The following TRMT9B variants were observed in gnomAD, a reference collection of about 807,000 sequenced individuals.
TRMT9B encodes the protein probable tRNA methyltransferase 9B.
Under a neutral mutation model 11.5 loss-of-function variants are expected in TRMT9B, and 16 were observed. The observed-to-expected ratio is 1.39, with a 90% CI of 0.94 to 2.11. TRMT9B has a LOEUF of 2.11. Among genes scored for constraint, TRMT9B ranks in the 30% most tolerant of loss-of-function variants. The probability of loss-of-function intolerance (pLI) is 0.00; values close to 1 mark genes in which losing one functional copy is unlikely to be tolerated. For missense variants in TRMT9B, 941 were observed against 553.8 expected (o/e 1.70, Z -7.02); for synonymous variants, 274 against 192.4 (o/e 1.42, Z -3.51).
rs116588902 is a variant in TRMT9B, at chr8:12,956,162, G to T, written c.-200+10196G>T. Among the ~76,000 whole-genome samples, 844 of 152,280 alleles carry T rather than the reference G, an allele frequency of 5.5e-3. 10 individuals carry two copies. Among genetic ancestry groups the T allele is most frequent in the African/African-American group, 0.02 (817 of 41,538 alleles). On this transcript the variant is annotated intron_variant, in intron 1 of 4. Coordinates refer to ENST00000524591, the MANE Select transcript of TRMT9B (RefSeq NM_020844.3). ...GGACTCTGGGAAATGCAGCTTATAG[G>T]TTTCTAGCCTCAAAGGTAGAGGGAT...
chr8:13,020,583 A>G (rs947039272), intron 4 of TRMT9B, among the ~76,000 whole-genome samples: 1 of 152,230 alleles, frequency 6.6e-6, no homozygotes, highest in Admixed American at 6.5e-5. Context: ...ATTGTTCATT[A>G]AAACAATGAA....
rs1420859234 is a variant in TRMT9B, at chr8:13,012,930, T to C, written c.328+73T>C. The C allele has an allele frequency of 2.0e-6, 3 of 1,514,324 alleles. No individual in the cohort carries two copies. In the East Asian group the frequency reaches 6.9e-5, roughly 35 times the overall value. 93.8% of individuals were successfully genotyped at this position (1,514,324 alleles called of 1,614,324 possible). A position where few individuals can be genotyped will look rare whatever the true frequency, so the allele number is the denominator to read the frequency against. ...ACCCGGTTTAGTCCGTTCTCATGAC[T>C]CAACATCCGTTCTGTGTAGAAATGT... On this transcript the variant is annotated intron_variant, in intron 4 of 4. Transcript: ENST00000524591.
At position 13,005,388 on chromosome 8, in the gene TRMT9B, TA is replaced by T. The variant is rs899995064; in HGVS notation, c.-1-805del. Among the ~76,000 whole-genome samples the T allele has an allele frequency of 4.4e-4, 67 of 151,720 alleles. No homozygotes were observed. In the Middle Eastern group the frequency reaches 0.01, roughly 23 times the overall value. ...TGCTAGGACAACAGGGTGACTATAGTAAAAAAAAATTTATTTGTACATTTTT... is the reference window on the plus strand; with the variant it reads ...TGCTAGGACAACAGGGTGACTATAGTAAAAAAAATTTATTTGTACATTTTT... On this transcript the variant is annotated intron_variant, in intron 2 of 4. Transcript: ENST00000524591.
At chr8:12,964,193 C>G (rs1802509191) in intron 1 of TRMT9B, among the ~76,000 whole-genome samples, 1 of 152,134 alleles carries the variant, frequency 6.6e-6, no homozygotes, top group Admixed American at 6.5e-5. Flanking sequence ...AGCTATTTTT[C>G]AAAAATATTG....
At chr8:13,010,648 C>T in intron 3 of TRMT9B, 1 of 984,718 alleles carries the variant, frequency 1.0e-6, no homozygotes, top group Non-Finnish European at 1.2e-6. Context: ...GCTCTCTGAA[C>T]AGGCCCTCCT....
Position 13,012,677 on chromosome 8 carries a change from C to G in TRMT9B, c.155-7C>G, listed in dbSNP as rs12156420. The stretch of plus-strand genomic sequence containing the variant: ...GATAGCATGTAACGCAGGTTTTTCT[C>G]TTATAGGTTGTGGGACTGGAAAATA... On this transcript the variant is annotated splice_region_variant and splice_polypyrimidine_tract_variant and intron_variant, in intron 3 of 4. Transcript: ENST00000524591. 99,680 of 1,608,884 alleles carry G rather than the reference C, an allele frequency of 0.062. 3,516 individuals are homozygous for G. The highest frequency in any genetic ancestry group is 0.092 in the South Asian group (8,311 of 90,400).
chr8:12,974,655 T>A (rs1272208455), intron 1 of TRMT9B, among the ~76,000 whole-genome samples: 3 of 152,214 alleles, frequency 2.0e-5, no homozygotes, highest in African/African-American at 7.2e-5. Flanking sequence ...ACTGCCTGCG[T>A]TGCAGTGAAA....
At position 13,021,326 on chromosome 8, in the gene TRMT9B, G is replaced by A. The variant is rs748070028; in HGVS notation, c.647G>A (p.Gly216Asp). The stretch of plus-strand genomic sequence containing the variant: ...GGTTCAAAACGGTCCCACAGCGTGG[G>A]CTATGAACCTGCTATGGCAAGAACC... ...QCGSKRSHSV[G>D]YEPAMARTCF... Residue 216 changes from glycine (G) to aspartate (D), a missense_variant, in exon 5 of 5, where the codon GGC becomes GAC. By Grantham distance (94) the Gly-to-Asp change is moderately conservative (BLOSUM62 -1). Coordinates refer to ENST00000524591, the MANE Select transcript of TRMT9B (RefSeq NM_020844.3). The A allele has an allele frequency of 1.2e-6, 2 of 1,613,896 alleles. No homozygotes were observed. The highest frequency in any genetic ancestry group is 1.3e-5 in the African/African-American group (1 of 74,940).
In TRMT9B at chr8:12,993,133, G is replaced by A. The variant is rs564934131; in HGVS notation, c.-2+2102G>A. On this transcript the variant is annotated intron_variant, in intron 2 of 4. Coordinates refer to ENST00000524591, the MANE Select transcript of TRMT9B (RefSeq NM_020844.3). ...ACAGCTGAGAGTCTGAGGTACTGTC[G>A]TTGCACGATATAAGACTGCAAAGTG... is the stretch of plus-strand genomic sequence containing the variant. Among the ~76,000 whole-genome samples the A allele has an allele frequency of 1.4e-4, 21 of 152,306 alleles. No homozygotes were observed. In the East Asian group the frequency reaches 3.1e-3, roughly 22 times the overall value.
Position 13,027,319 on chromosome 8 carries a change from T to C in TRMT9B, c.*5275T>C, listed in dbSNP as rs752672732. Reference sequence around the variant, plus strand: ...TATTACCAAGTTATATTGTTTAGTTTGAGGAAAACAACAAACAACCCTCCC... The same window carrying C: ...TATTACCAAGTTATATTGTTTAGTTCGAGGAAAACAACAAACAACCCTCCC... On this transcript the variant is annotated 3_prime_UTR_variant, in exon 5 of 5. Transcript: ENST00000524591. 5 of 167,044 alleles carry C rather than the reference T, an allele frequency of 3.0e-5. No homozygotes were observed. The highest frequency in any genetic ancestry group is 4.8e-5 in the African/African-American group (2 of 41,464). The allele number at this position is 167,044 out of a possible 1,614,324, so 10.3% of individuals were successfully genotyped here.
chr8:12,974,005 T>G (rs1408896353), intron 1 of TRMT9B, among the ~76,000 whole-genome samples: 2 of 151,532 alleles, frequency 1.3e-5, no homozygotes, highest in East Asian at 3.9e-4. Context: ...AAAAATATAT[T>G]AAAATTTTTT....
intron 1 of TRMT9B, among the ~76,000 whole-genome samples, chr8:12,967,062 A>AT (rs1285940178): frequency 2.0e-5 from 3 of 152,146 alleles, no homozygotes; most frequent in Non-Finnish European, 4.4e-5. Context: ...CATCCTAGGT[A>AT]TTTTTTTAAC....
At chr8:12,946,566 T>A (rs77907843) in intron 1 of TRMT9B, among the ~76,000 whole-genome samples, 6,732 of 152,196 alleles carry the variant, frequency 0.044, 490 homozygotes, top group African/African-American at 0.15. Flanking sequence ...GATGTCACCC[T>A]GGTGGAGATG....
At chr8:12,992,985 G>T (rs1250521808) in intron 2 of TRMT9B, among the ~76,000 whole-genome samples, 1 of 152,206 alleles carries the variant, frequency 6.6e-6, no homozygotes, top group Non-Finnish European at 1.5e-5. Context: ...AGTAGATTTT[G>T]GCAGGAGGAA....
chr8:12,985,871 AT>A (rs1461724187), intron 1 of TRMT9B, among the ~76,000 whole-genome samples: 2 of 151,706 alleles, frequency 1.3e-5, no homozygotes, highest in Admixed American at 6.6e-5. Flanking sequence ...TTTTAATTTA[AT>A]TTTTTTGAGA....
chr8:12,968,630 A>T (rs1173637562), intron 1 of TRMT9B, among the ~76,000 whole-genome samples: 2 of 152,174 alleles, frequency 1.3e-5, no homozygotes, highest in African/African-American at 4.8e-5. Context: ...CTCCAGGTTC[A>T]ACTCCCTACT....
Position 13,006,275 on chromosome 8 carries a change from A to AG in TRMT9B, c.74dup (p.Ser25ArgfsTer26), listed in dbSNP as rs1355281820. 3.1e-6 allele frequency: 5 copies of AG among 1,613,822 alleles called. No individual in the cohort carries two copies. The highest frequency in any genetic ancestry group is 3.4e-6 in the Non-Finnish European group (4 of 1,179,880). On this transcript the variant is annotated frameshift_variant, in exon 3 of 5. Transcript: ENST00000524591. LOFTEE classifies it high-confidence loss of function. ...GTACGAGAGCACAGCCCCTTACTTCAGCGACCTGCAGAGCAAAGCCTGGCC... is the reference window on the plus strand; with the variant it reads ...GTACGAGAGCACAGCCCCTTACTTCAGGCGACCTGCAGAGCAAAGCCTGGCC...
intron 2 of TRMT9B, among the ~76,000 whole-genome samples, chr8:12,997,260 G>T (rs1392680432): frequency 6.6e-6 from 1 of 151,504 alleles, no homozygotes; most frequent in African/African-American, 2.4e-5. Flanking sequence ...TTATGGTAAT[G>T]GGTGACTTCT....
chr8:12,951,784 A>C (rs929676513), intron 1 of TRMT9B: 1 of 151,764 alleles, frequency 6.6e-6, no homozygotes, highest in African/African-American at 2.4e-5. Context: ...AAAGCCCCCG[A>C]TCCCCGGTAG....
Sources: allele counts gnomAD v4.1 joint callset (sites outside exome capture counted in the v4.1 genomes callset), GRCh38; gene constraint gnomAD v4.1.1; transcripts MANE v1.5; gene names NCBI Gene and HGNC (gene_info 2026-07-23, HGNC 2026-07-21).